Variants in ONECUT2 observed in about 807,000 individuals in gnomAD.
ONECUT2 encodes one cut domain family member 2.
In ONECUT2, 10 loss-of-function variants were observed where a neutral mutation model predicts 27.9. The observed-to-expected ratio is 0.36, with a 90% CI of 0.22 to 0.61. The LOEUF (loss-of-function observed/expected upper bound fraction) is 0.61. ONECUT2 is among the 20% of genes least tolerant of loss of function. The pLI, the probability that ONECUT2 is intolerant of heterozygous loss-of-function variation, is 0.73. For missense variants in ONECUT2, 686 were observed against 721.0 expected, an observed-to-expected ratio of 0.95 and a Z score of 0.56; for synonymous variants, 334 against 315.1, an observed-to-expected ratio of 1.06 and a Z score of -0.64.
At chr18:57,438,415 C>G (rs2050155863) in intron 1 of ONECUT2, among the ~76,000 whole-genome samples, 1 of 152,220 alleles carries the variant, frequency 6.6e-6, no homozygotes, top group Admixed American at 6.5e-5. Context: ...TCCGAGCCAG[C>G]CTCGCACAGC....
intron 1 of ONECUT2, among the ~76,000 whole-genome samples, chr18:57,466,300 A>C (rs1472801781): frequency 1.3e-5 from 2 of 152,162 alleles, no homozygotes; most frequent in Non-Finnish European, 2.9e-5. Context: ...ACCCAGTTCC[A>C]TTGGCCTTGG....
chr18:57,436,714 T>C lies in ONECUT2; in HGVS notation c.998T>C (p.Ile333Thr). The C allele has an allele frequency of 6.2e-7, 1 of 1,613,718 alleles. No individual in the cohort carries two copies. The highest frequency in any genetic ancestry group is 8.5e-7 in the Non-Finnish European group (1 of 1,180,012). The change falls in exon 1 of 2, where the codon ATC (isoleucine) becomes ACC (threonine). Residue 333 changes from isoleucine (I) to threonine (T), a missense_variant. Ile to Thr is a moderately conservative substitution (Grantham distance 89). Around this residue, in one of 4 missense-constraint regions of ONECUT2, gnomAD observed 511 missense variants for 488.1 expected, o/e 1.05. Transcript: ENST00000491143. The surrounding 1 kb of genome is among the most constrained non-coding windows in gnomAD (Gnocchi z 5.9). Reference sequence around the variant, plus strand: ...GCCACGTCGGGCCAGCTGGAAGAAATCAACACCAAAGAGGTGGCCCAGCGC... The same window carrying C: ...GCCACGTCGGGCCAGCTGGAAGAAACCAACACCAAAGAGGTGGCCCAGCGC... ...QVATSGQLEE[I>T]NTKEVAQRIT...
At chr18:57,464,300 A>G (rs887334585) in intron 1 of ONECUT2, among the ~76,000 whole-genome samples, 1 of 151,470 alleles carries the variant, frequency 6.6e-6, no homozygotes, top group Non-Finnish European at 1.5e-5. Context: ...TCCTTTATAA[A>G]TTTTCTTTCT....
rs547579269 is a variant in ONECUT2 at position 57,488,395 on chromosome 18, T to C, written c.*11672T>C. On this transcript the variant is annotated 3_prime_UTR_variant, in exon 2 of 2. Coordinates refer to ENST00000491143, the MANE Select transcript of ONECUT2 (RefSeq NM_004852.3). The stretch of plus-strand genomic sequence containing the variant: ...TCCTCTTAATGCAGATATTGTAGAA[T>C]CTACAAAGTTCAAATCCATTTTTGA... The C allele has an allele frequency of 9.8e-5, 15 of 152,722 alleles. No individual in the cohort carries two copies. In the South Asian group the frequency reaches 2.5e-3, roughly 25 times the overall value. 9.5% of individuals were successfully genotyped at this position (152,722 alleles called of 1,614,324 possible).
At chr18:57,470,274 G>A (rs1204256854) in intron 1 of ONECUT2, among the ~76,000 whole-genome samples, 2 of 152,152 alleles carry the variant, frequency 1.3e-5, no homozygotes, top group Non-Finnish European at 1.5e-5. Flanking sequence ...GGGGCAGCGA[G>A]GACTGGAAGA....
chr18:57,480,914 A>G lies in ONECUT2; in HGVS notation c.*4191A>G, dbSNP rs1218786400. On this transcript the variant is annotated 3_prime_UTR_variant, in exon 2 of 2. Transcript: ENST00000491143. ...AGTATCCATTACCTCAATCCAAGGA[A>G]AATTCCAGGCATTCCTCAACCATCA... 1 of 152,218 alleles carries G rather than the reference A, an allele frequency of 6.6e-6. No homozygotes were observed. The highest frequency in any genetic ancestry group is 1.5e-5 in the Non-Finnish European group (1 of 68,040). The allele number at this position is 152,218 out of a possible 1,614,324, so 9.4% of individuals were successfully genotyped here. A position where few individuals can be genotyped will look rare whatever the true frequency, so the allele number is the denominator to read the frequency against.
chr18:57,463,130 G>A (rs1239193876), intron 1 of ONECUT2, among the ~76,000 whole-genome samples: 1 of 152,128 alleles, frequency 6.6e-6, no homozygotes, highest in Admixed American at 6.5e-5. Context: ...ATGAGGTAGG[G>A]GTCAAGAATT....
intron 1 of ONECUT2, among the ~76,000 whole-genome samples, chr18:57,469,068 A>G (rs1377493738): frequency 2.6e-5 from 4 of 152,194 alleles, no homozygotes; most frequent in Non-Finnish European, 5.9e-5. Flanking sequence ...AGAGGTACAA[A>G]TGTGAACCTA....
At chr18:57,438,536 G>A (rs1598928289) in intron 1 of ONECUT2, among the ~76,000 whole-genome samples, 1 of 152,348 alleles carries the variant, frequency 6.6e-6, no homozygotes, top group Middle Eastern at 3.4e-3. Flanking sequence ...CAGGGCTGGG[G>A]AATGTGACAG....
intron 1 of ONECUT2, among the ~76,000 whole-genome samples, chr18:57,457,164 G>A (rs941688133): frequency 1.3e-5 from 2 of 152,142 alleles, no homozygotes; most frequent in Non-Finnish European, 2.9e-5. Context: ...AGCACACAAG[G>A]TTCCAATTTT....
At chr18:57,468,871 T>G (rs964942580) in intron 1 of ONECUT2, among the ~76,000 whole-genome samples, 2 of 152,192 alleles carry the variant, frequency 1.3e-5, no homozygotes, top group African/African-American at 4.8e-5. Flanking sequence ...TTATTTTTAC[T>G]TTAAAGGCTC....
rs1213857616 is a variant in ONECUT2, at chr18:57,487,539, G to A, written c.*10816G>A. 6.6e-6 allele frequency: 1 copy of A among 151,982 alleles called. No individual in the cohort carries two copies. The highest frequency in any genetic ancestry group is 2.4e-5 in the African/African-American group (1 of 41,364). 9.4% of individuals were successfully genotyped at this position (151,982 alleles called of 1,614,324 possible). On this transcript the variant is annotated 3_prime_UTR_variant, in exon 2 of 2. Coordinates refer to ENST00000491143, the MANE Select transcript of ONECUT2 (RefSeq NM_004852.3). Reference sequence around the variant, plus strand: ...GTCAGCTCCCAGTAGAAACTCAAATGGCATCAATATTACTAACTCTTCTCT... The same window carrying A: ...GTCAGCTCCCAGTAGAAACTCAAATAGCATCAATATTACTAACTCTTCTCT...
rs947107774 is a variant in ONECUT2, at chr18:57,481,948, A to T, written c.*5225A>T. The T allele has an allele frequency of 3.9e-5, 6 of 152,194 alleles. No homozygotes were observed. The East Asian group carries it at 1.2e-3, about 29-fold the overall frequency. The allele number at this position is 152,194 out of a possible 1,614,324, so 9.4% of individuals were successfully genotyped here. ...ATTCAGACTTCTCAGCCTAACCAGG[A>T]AGAGTAAGTGGAAATGGTAGATGAA... On this transcript the variant is annotated 3_prime_UTR_variant, in exon 2 of 2. Transcript: ENST00000491143.
chr18:57,452,410 G>GTATTT (rs59877360), intron 1 of ONECUT2, among the ~76,000 whole-genome samples: 8,014 of 150,972 alleles, frequency 0.053, 563 homozygotes, highest in East Asian at 0.34. Context: ...AGCTCAACCT[G>GTATTT]TATTTTATTT....
At chr18:57,458,593 A>G (rs1409265083) in intron 1 of ONECUT2, among the ~76,000 whole-genome samples, 3 of 151,992 alleles carry the variant, frequency 2.0e-5, no homozygotes, top group Non-Finnish European at 4.4e-5. Flanking sequence ...TGGCATGACT[A>G]TTTTCATTTA....
rs1314339754 is a variant in ONECUT2 at position 57,488,255 on chromosome 18, C to T, written c.*11532C>T. 6.6e-6 allele frequency: 1 copy of T among 152,542 alleles called. No homozygotes were observed. The highest frequency in any genetic ancestry group is 2.4e-5 in the African/African-American group (1 of 41,420). The allele number at this position is 152,542 out of a possible 1,614,324, so 9.4% of individuals were successfully genotyped here. A position where few individuals can be genotyped will look rare whatever the true frequency, so the allele number is the denominator to read the frequency against. On this transcript the variant is annotated 3_prime_UTR_variant, in exon 2 of 2. Coordinates refer to ENST00000491143, the MANE Select transcript of ONECUT2 (RefSeq NM_004852.3). ...ATTTTTCAAATTGGCTTTTGTAAGA[C>T]AATTGATGATTGTAATAGTGTTTAA...
intron 1 of ONECUT2, among the ~76,000 whole-genome samples, chr18:57,466,331 T>C (rs960096322): frequency 6.6e-6 from 1 of 152,170 alleles, no homozygotes; most frequent in African/African-American, 2.4e-5. Context: ...AGGTAAAAAA[T>C]CTCCAGATCC....
chr18:57,448,694 A>G (rs1023264910), intron 1 of ONECUT2, among the ~76,000 whole-genome samples: 3 of 152,234 alleles, frequency 2.0e-5, no homozygotes, highest in Non-Finnish European at 2.9e-5. Flanking sequence ...CTTTATATGC[A>G]TCACTGCATC....
chr18:57,445,241 A>T (rs185637919), intron 1 of ONECUT2, among the ~76,000 whole-genome samples: 2 of 152,334 alleles, frequency 1.3e-5, no homozygotes, highest in East Asian at 3.9e-4. Flanking sequence ...TGGACTCTGT[A>T]TATGAGCATA....
Sources: allele counts gnomAD v4.1 joint callset (sites outside exome capture counted in the v4.1 genomes callset), GRCh38; gene constraint gnomAD v4.1.1; regional missense constraint gnomAD v4.1.1; non-coding constraint Gnocchi (gnomAD v3.1); transcripts MANE v1.5; gene names NCBI Gene and HGNC (gene_info 2026-07-23, HGNC 2026-07-21).